Variants in COL15A1 observed in about 807,000 individuals in gnomAD.
COL15A1 encodes the protein collagen type XV alpha 1 chain.
In COL15A1, 111 loss-of-function variants were observed where a neutral mutation model predicts 165.9. The observed-to-expected ratio is 0.67, with a 90% confidence interval of 0.57 to 0.78. The LOEUF (loss-of-function observed/expected upper bound fraction) is 0.78. Ranked by LOEUF, COL15A1 falls within the 30% of genes least tolerant of loss-of-function variation. The pLI is 0.00. For synonymous variants in COL15A1, 659 were observed against 674.8 expected (o/e 0.98, Z 0.36); for missense variants, 1,745 against 1,789.7 (o/e 0.98, Z 0.45).
intron 36 of COL15A1, 48 bp from the exon 37 acceptor site, chr9:99,061,923 A>T: frequency 6.3e-7 from 1 of 1,585,472 alleles, no homozygotes; most frequent in Non-Finnish European, 8.6e-7. Flanking sequence ...AGATGGTGCC[A>T]TTCCTCTAAT....
intron 17 of COL15A1, 40 bp downstream of exon 17, chr9:99,034,624 T>TTTCCCTC (rs1554690180): frequency 3.5e-6 from 5 of 1,411,714 alleles, no homozygotes; most frequent in African/African-American, 1.6e-5. Flanking sequence ...AGAACTTTCT[T>TTTCCCTC]CTCCCTCCTC....
intron 12 of COL15A1, 73 bp from the exon 13 acceptor site, chr9:99,022,018 G>A (rs905906717): frequency 1.4e-5 from 22 of 1,589,204 alleles, no homozygotes; most frequent in South Asian, 4.4e-5. Context: ...AGATGAGCAC[G>A]ATTTCTACAG....
chr9:99,044,565 C>T lies in COL15A1; in HGVS notation c.2575-3C>T. On this transcript the variant is annotated splice_polypyrimidine_tract_variant and splice_region_variant and intron_variant, in intron 24 of 41. Transcript: ENST00000375001. ...CTTCATTGAGATGTTCTCTGAATTG[C>T]AGGGCGAGAAGGGAGAGCCGGGTGC... 1 of 1,613,844 alleles carries T rather than the reference C, an allele frequency of 6.2e-7. No individual in the cohort carries two copies. Among genetic ancestry groups the T allele is most frequent in the Non-Finnish European group, 8.5e-7 (1 of 1,179,900 alleles).
chr9:99,023,554 G>C (rs1356143882), intron 14 of COL15A1, 105 bp downstream of exon 14: 1 of 630,020 alleles, frequency 1.6e-6, no homozygotes, highest in East Asian at 2.6e-5. Flanking sequence ...ATTGGCTGCT[G>C]CTGGGGTTGC....
intron 6 of COL15A1, among the ~76,000 whole-genome samples, chr9:98,999,744 T>G (rs1462409045): frequency 6.6e-6 from 1 of 151,926 alleles, no homozygotes; most frequent in Non-Finnish European, 1.5e-5. Context: ...GGTCATGAAC[T>G]CCTGAGCTCA....
chr9:99,069,890 C>G lies in COL15A1; in HGVS notation c.*4C>G. ...CATGACAGACGCTAGGAAGTAATGG[C>G]CTTCTGATGATTCTTAAAGAGTTTT... is the stretch of plus-strand genomic sequence containing the variant. On this transcript the variant is annotated 3_prime_UTR_variant, in exon 42 of 42. Coordinates refer to ENST00000375001, the MANE Select transcript of COL15A1 (RefSeq NM_001855.5). 6.3e-7 allele frequency: 1 copy of G among 1,597,204 alleles called. No homozygotes were observed. Among genetic ancestry groups the G allele is most frequent in the Non-Finnish European group, 8.6e-7 (1 of 1,166,634 alleles).
intron 16 of COL15A1, among the ~76,000 whole-genome samples, chr9:99,030,730 C>A (rs1373140485): frequency 6.6e-6 from 1 of 152,162 alleles, no homozygotes; most frequent in East Asian, 1.9e-4. Context: ...CAAGATCAGC[C>A]GGCCATGCAG....
chr9:99,024,925 C>A lies in COL15A1; in HGVS notation c.1906C>A (p.Pro636Thr), dbSNP rs1229506660. The A allele has an allele frequency of 1.9e-6, 3 of 1,613,942 alleles. No homozygotes were observed. The highest frequency in any genetic ancestry group is 4.5e-5 in the East Asian group (2 of 44,894). Residue 636 changes from proline (P) to threonine (T), a missense_variant, in exon 15 of 42, where the codon CCA (proline) becomes ACA (threonine). Physicochemically the swap from Pro to Thr is conservative, Grantham distance 38. Transcript: ENST00000375001. ...PPGLPGIPGKPGTDVFMGPPG... is the reference protein window; with the variant it reads ...PPGLPGIPGKTGTDVFMGPPG... ...TGGCTTACCTGGGATTCCAGGAAAA[C>A]CAGGAACTGATGTTTTCATGGGACC...
chr9:99,003,926 G>C (rs1016105057), intron 8 of COL15A1, among the ~76,000 whole-genome samples: 1 of 152,116 alleles, frequency 6.6e-6, no homozygotes, highest in African/African-American at 2.4e-5. Flanking sequence ...GCCCAGACTC[G>C]GGGGCACAGA....
chr9:99,034,586 TAAAAAAAAAAAAAAAA>T lies in COL15A1; in HGVS notation c.2079+15_2079+30del, dbSNP rs60290557. The stretch of plus-strand genomic sequence containing the variant: ...CCTAATGGCTCAGTTGGTGAAAAGG[TAAAAAAAAAAAAAAAA>T]AAAAAAAAAAAAGAACTTTCTTCTC... On this transcript the variant is annotated splice_donor_5th_base_variant and intron_variant, in intron 17 of 41. Transcript: ENST00000375001. 87 of 1,074,740 alleles carry T rather than the reference TAAAAAAAAAAAAAAAA, an allele frequency of 8.1e-5. No homozygotes were observed. The highest frequency in any genetic ancestry group is 7.6e-4 in the Middle Eastern group (2 of 2,630). The allele number at this position is 1,074,740 out of a possible 1,614,324, so 66.6% of individuals were successfully genotyped here. A position where few individuals can be genotyped will look rare whatever the true frequency, so the allele number is the denominator to read the frequency against.
chr9:98,990,730 T>C (rs996448561), intron 5 of COL15A1, among the ~76,000 whole-genome samples: 1 of 152,156 alleles, frequency 6.6e-6, no homozygotes, highest in Non-Finnish European at 1.5e-5. Context: ...TGGGCAGCTT[T>C]GGACAGAGAT....
Position 99,054,636 on chromosome 9 carries a change from A to C in COL15A1, c.3011A>C (p.Gln1004Pro). The C allele has an allele frequency of 6.2e-7, 1 of 1,612,738 alleles. No individual in the cohort carries two copies. Among genetic ancestry groups the C allele is most frequent in the Non-Finnish European group, 8.5e-7 (1 of 1,179,574 alleles). ...GGCTCAAAGGGAGAAAAAGGCGACC[A>C]GGGAGCCCAGGGACCACCAGGTATT... ...LPGSKGEKGD[Q>P]GAQGPPGPPL... Residue 1004 changes from glutamine (Q) to proline (P), a missense_variant, in exon 32 of 42, where the codon CAG becomes CCG. By Grantham distance (76) the Gln-to-Pro change is moderately conservative (BLOSUM62 -1). Transcript: ENST00000375001.
chr9:98,978,872 A>G (rs1838186850), intron 2 of COL15A1, among the ~76,000 whole-genome samples: 1 of 152,096 alleles, frequency 6.6e-6, no homozygotes, highest in Admixed American at 6.6e-5. Context: ...GGAGACAACC[A>G]CTGCCCCGTT....
intron 2 of COL15A1, among the ~76,000 whole-genome samples, chr9:98,945,590 A>C (rs1347643234): frequency 2.6e-5 from 4 of 152,240 alleles, no homozygotes; most frequent in Admixed American, 1.3e-4. Context: ...AAGAAGCCCA[A>C]GACAGCCCAT....
At chr9:99,044,707 G>A (rs929223880) in intron 25 of COL15A1, 28 bp from the exon 26 acceptor site, 5 of 1,613,634 alleles carry the variant, frequency 3.1e-6, no homozygotes, top group Middle Eastern at 1.6e-4. Flanking sequence ...GTCCCAAACA[G>A]TGACAAGTAT....
Position 99,038,719 on chromosome 9 carries a change from C to T in COL15A1, c.2461C>T (p.Leu821=), listed in dbSNP as rs750819830. Residue 821 remains leucine, a synonymous_variant, in exon 22 of 42, where the codon CTG becomes TTG. Coordinates refer to ENST00000375001, the MANE Select transcript of COL15A1 (RefSeq NM_001855.5). ...CATGAATTTCTCGGACATTCCTGAG[C>T]TGGTGGGGCCTCCGGTTGGTATCTA... ...GFMNFSDIPE[L]VGPPGPDGLP... is the part of the protein sequence containing the mutation. 1.9e-6 allele frequency: 3 copies of T among 1,607,454 alleles called. No individual in the cohort carries two copies. Among genetic ancestry groups the T allele is most frequent in the Non-Finnish European group, 2.6e-6 (3 of 1,173,946 alleles).
chr9:98,978,042 G>A (rs1020553052), intron 2 of COL15A1, among the ~76,000 whole-genome samples: 7 of 152,212 alleles, frequency 4.6e-5, no homozygotes, highest in East Asian at 3.9e-4. Context: ...TCTGGGACTC[G>A]TGGTACCAAG....
At chr9:99,022,273 C>T (rs1054416108) in intron 13 of COL15A1, 123 bp downstream of exon 13, 1 of 1,169,058 alleles carries the variant, frequency 8.6e-7, no homozygotes, top group African/African-American at 1.5e-5. Context: ...GACCCTAGGG[C>T]TTTCTGCCTC....
chr9:99,000,713 T>C, intron 6 of COL15A1, 126 bp from the exon 7 acceptor site: 1 of 650,962 alleles, frequency 1.5e-6, no homozygotes, highest in Non-Finnish European at 2.8e-6. Flanking sequence ...AACTTGTTTT[T>C]TCCCCCTCTT....
Sources: gnomAD v4.1 joint callset for allele counts (sites outside exome capture counted in the v4.1 genomes callset) on GRCh38, gnomAD v4.1.1 for gene constraint, MANE v1.5 for transcripts, NCBI Gene and HGNC (gene_info 2026-07-23, HGNC 2026-07-21) for gene names.